DMD: variants seen among roughly 807,000 people sequenced by gnomAD.
DMD encodes dystrophin, also known as mutant dystrophin.
DMD carries 63 observed loss-of-function variants against 330.1 expected under a neutral mutation model. That is an observed-to-expected ratio of 0.19 (90% CI 0.16 to 0.24). DMD has a LOEUF of 0.24. DMD is among the 10% of genes least tolerant of loss of function. The pLI is 1.00. For missense variants in DMD, 3,344 were observed against 2,684.1 expected (o/e 1.25, Z -5.43); for synonymous variants, 1,223 against 959.8 (o/e 1.27, Z -5.07).
intron 55 of DMD, among the ~76,000 whole-genome samples, chrX:31,525,553 A>G (rs1362652773): frequency 3.6e-5 from 4 of 111,958 alleles, no homozygotes; most frequent in Non-Finnish European, 7.5e-5. Context: ...AGGGTCTTTA[A>G]TTTACTGATG....
chrX:31,451,836 A>G (rs1045631191), intron 59 of DMD, among the ~76,000 whole-genome samples: 4 of 73,172 alleles, frequency 5.5e-5, no homozygotes, highest in Non-Finnish European at 1.0e-4. Context: ...AACGTACTTT[A>G]AAAAAAAAAA....
intron 44 of DMD, chrX:32,155,413 C>A: frequency 1.3e-6 from 1 of 754,408 alleles, no homozygotes; most frequent in Non-Finnish European, 1.6e-6. Flanking sequence ...CCCACGGATG[C>A]TTTTAGTTCA....
chrX:32,896,417 T>G (rs945733027), intron 2 of DMD, among the ~76,000 whole-genome samples: 6 of 111,611 alleles, frequency 5.4e-5, no homozygotes, highest in Non-Finnish European at 1.1e-4. Flanking sequence ...TGTTTTAAAA[T>G]AAAGCAAAGA....
chrX:32,554,850 G>GGTA lies in DMD; in HGVS notation c.1993-9517_1993-9516insTAC, dbSNP rs1445360209. Among the ~76,000 whole-genome samples the GGTA allele has an allele frequency of 3.9e-3, 242 of 62,769 alleles. 25 individuals carry two copies. Among genetic ancestry groups the GGTA allele is most frequent in the Admixed American group, 0.032 (184 of 5,804 alleles). 54.5% of individuals were successfully genotyped at this position (62,769 alleles called of 115,157 possible). ...GGGGAGGGAGAGAGAGAGAGAGAGA[G>GGTA]AGAGAGAGAGAGAGAGAGAGAAGGA... On this transcript the variant is annotated intron_variant, in intron 16 of 78. Transcript: ENST00000357033.
intron 51 of DMD, among the ~76,000 whole-genome samples, chrX:31,759,254 G>A (rs2089377568): frequency 9.7e-6 from 1 of 103,091 alleles, no homozygotes; most frequent in African/African-American, 3.6e-5. Flanking sequence ...TGAATAAAAG[G>A]TGATGTTCAG....
chrX:32,099,527 T>G (rs2096528899), intron 44 of DMD, among the ~76,000 whole-genome samples: 1 of 109,166 alleles, frequency 9.2e-6, no homozygotes, highest in African/African-American at 3.3e-5. Context: ...ATTAAGAAAA[T>G]GTGGCACATA....
At chrX:31,982,992 G>A (rs1015431183) in intron 44 of DMD, among the ~76,000 whole-genome samples, 38 of 92,556 alleles carry the variant, frequency 4.1e-4, no homozygotes, top group African/African-American at 1.3e-3. Flanking sequence ...CTACATACTA[G>A]TTTTGAATAA....
At chrX:33,066,935 C>T (rs1165634321) in intron 1 of DMD, among the ~76,000 whole-genome samples, 4 of 111,811 alleles carry the variant, frequency 3.6e-5, no homozygotes, top group Non-Finnish European at 5.6e-5. Context: ...TGAAAAGTCA[C>T]GGAGTAAATT....
chrX:32,469,908 A>G (rs1193835551), intron 22 of DMD, among the ~76,000 whole-genome samples: 1 of 110,997 alleles, frequency 9.0e-6, no homozygotes, highest in Non-Finnish European at 1.9e-5. Flanking sequence ...TACATCTTTG[A>G]GTGTATTCTG....
At chrX:32,691,331 A>C (rs959578279) in intron 9 of DMD, among the ~76,000 whole-genome samples, 29 of 109,411 alleles carry the variant, frequency 2.7e-4, no homozygotes, top group African/African-American at 9.4e-4. Flanking sequence ...AAAAAAAAAA[A>C]ACTAAAAACG....
intron 62 of DMD, among the ~76,000 whole-genome samples, chrX:31,275,115 A>C (rs2051988206): frequency 9.1e-6 from 1 of 109,497 alleles, no homozygotes; most frequent in African/African-American, 3.3e-5. Flanking sequence ...ATTAAAAACT[A>C]AGTAGGCTTT....
intron 44 of DMD, among the ~76,000 whole-genome samples, chrX:32,031,642 T>A (rs1346554610): frequency 2.7e-5 from 3 of 112,300 alleles, no homozygotes; most frequent in Non-Finnish European, 5.6e-5. Context: ...AAATACTCTT[T>A]AAGCAATCTC....
chrX:31,451,613 C>A (rs1444048202), intron 59 of DMD, among the ~76,000 whole-genome samples: 2 of 110,509 alleles, frequency 1.8e-5, no homozygotes, highest in East Asian at 5.7e-4. Flanking sequence ...ATTTTCATTA[C>A]TAACACTATG....
intron 2 of DMD, among the ~76,000 whole-genome samples, chrX:32,859,567 G>A (rs1036248709): frequency 9.1e-6 from 1 of 109,509 alleles, no homozygotes; most frequent in Admixed American, 9.9e-5. Context: ...CAGAATACAT[G>A]TAAAATGTTT....
At chrX:33,174,222 T>C (rs1340127672) in intron 1 of DMD, among the ~76,000 whole-genome samples, 4 of 109,284 alleles carry the variant, frequency 3.7e-5, no homozygotes, top group Admixed American at 2.0e-4. Context: ...GCATCTTCTG[T>C]GACTATGCAG....
intron 9 of DMD, among the ~76,000 whole-genome samples, chrX:32,678,791 A>T (rs2062151741): frequency 8.9e-6 from 1 of 111,816 alleles, no homozygotes; most frequent in African/African-American, 3.3e-5. Flanking sequence ...AAACTTACGC[A>T]CGTTGTCACT....
intron 33 of DMD, among the ~76,000 whole-genome samples, chrX:32,382,709 T>C (rs2097933192): frequency 9.1e-6 from 1 of 109,675 alleles, no homozygotes; most frequent in Non-Finnish European, 1.9e-5. Flanking sequence ...AAATATACTT[T>C]ATGGTGTGTT....
intron 44 of DMD, among the ~76,000 whole-genome samples, chrX:32,167,606 C>T (rs1290397944): frequency 2.7e-5 from 3 of 112,328 alleles, no homozygotes; most frequent in African/African-American, 9.7e-5. Context: ...TACACATCAT[C>T]GTAAACCAAC....
intron 5 of DMD, among the ~76,000 whole-genome samples, chrX:32,822,491 A>T (rs958529059): frequency 9.0e-6 from 1 of 110,599 alleles, no homozygotes; most frequent in Non-Finnish European, 1.9e-5. Context: ...TATACATATT[A>T]TGATTATACT....
Sources: allele counts gnomAD v4.1 joint callset (sites outside exome capture counted in the v4.1 genomes callset), GRCh38; gene constraint gnomAD v4.1.1; transcripts MANE v1.5; gene names NCBI Gene and HGNC (gene_info 2026-07-23, HGNC 2026-07-21).